GSE1: variants seen among roughly 807,000 people sequenced by gnomAD.
GSE1 encodes Gse1 coiled-coil protein.
Under a neutral mutation model 112.6 loss-of-function variants are expected in GSE1, and 32 were observed. The observed-to-expected ratio is 0.28, with a 90% CI of 0.21 to 0.38. The LOEUF (loss-of-function observed/expected upper bound fraction) is 0.38. Ranked by LOEUF, GSE1 falls within the 10% of genes least tolerant of loss-of-function variation. GSE1 has a pLI of 1.00. For synonymous variants in GSE1, 1,115 were observed against 735.6 expected, an observed-to-expected ratio of 1.52 and a Z score of -8.35; for missense variants, 2,348 against 1,699.2, an observed-to-expected ratio of 1.38 and a Z score of -6.71.
At chr16:85,555,188 G>A (rs2045139675), upstream of GSE1, 1 of 985,302 alleles carries the variant, frequency 1.0e-6, no homozygotes, top group Non-Finnish European at 1.2e-6. Context: ...CTGCTGTCAG[G>A]CAGCCAGCTT....
intron 1 of GSE1, among the ~76,000 whole-genome samples, chr16:85,246,581 C>T (rs1001688098): frequency 6.8e-6 from 1 of 146,346 alleles, no homozygotes. Context: ...CCCCAGTCGT[C>T]TAATTATCCC....
chr16:85,176,345 C>T (rs1277459064), intron 1 of GSE1, among the ~76,000 whole-genome samples: 3 of 152,246 alleles, frequency 2.0e-5, no homozygotes, highest in East Asian at 3.8e-4. Context: ...CTTGCCACAG[C>T]CTCTAGAACA....
chr16:85,225,184 TGCAACACAGACATCACACAC>T (rs2075463022), intron 1 of GSE1, among the ~76,000 whole-genome samples: 1 of 151,530 alleles, frequency 6.6e-6, no homozygotes, highest in Admixed American at 6.6e-5. Context: ...GGGAGCTGAA[TGCAACACAGACATCACACAC>T]ACACATACAC....
chr16:85,294,002 C>A (rs61708280), intron 1 of GSE1, among the ~76,000 whole-genome samples: 2 of 152,340 alleles, frequency 1.3e-5, no homozygotes, highest in South Asian at 2.1e-4. Flanking sequence ...CCCCATGCTT[C>A]GAGGCGCCCT....
chr16:85,171,940 G>T, intron 1 of GSE1: 1 of 437,262 alleles, frequency 2.3e-6, no homozygotes, highest in Non-Finnish European at 3.0e-6. Flanking sequence ...TGTTCCGGGG[G>T]AGGTACCCTC....
chr16:85,613,504 C>A, intron 1 of GSE1, 106 bp downstream of exon 1: 1 of 1,038,080 alleles, frequency 9.6e-7, no homozygotes, highest in Non-Finnish European at 1.4e-6. Flanking sequence ...CAACGGCTCC[C>A]GGGCAACTTC....
At chr16:85,210,331 A>G (rs1249849993) in intron 1 of GSE1, among the ~76,000 whole-genome samples, 1 of 152,204 alleles carries the variant, frequency 6.6e-6, no homozygotes, top group Non-Finnish European at 1.5e-5. Context: ...GTAAGGTGTG[A>G]TTGACAAAAC....
At chr16:85,473,177 G>A (rs2050347722) in intron 2 of GSE1, among the ~76,000 whole-genome samples, 1 of 152,276 alleles carries the variant, frequency 6.6e-6, no homozygotes, top group Non-Finnish European at 1.5e-5. Flanking sequence ...GTCACTGACT[G>A]CACCATTTGC....
intron 2 of GSE1, among the ~76,000 whole-genome samples, chr16:85,523,875 G>A (rs2052274584): frequency 6.6e-6 from 1 of 152,252 alleles, no homozygotes; most frequent in Middle Eastern, 3.2e-3. Context: ...TGCTGCGGGA[G>A]GCGGGGTCAA....
chr16:85,362,587 C>T (rs569814782), intron 2 of GSE1, among the ~76,000 whole-genome samples: 105 of 152,306 alleles, frequency 6.9e-4, no homozygotes, highest in Non-Finnish European at 1.2e-3. Flanking sequence ...CTTCTGGTAG[C>T]GTGGTGTCAG....
intron 1 of GSE1, chr16:85,282,820 C>G (rs555689906): frequency 1.3e-5 from 2 of 152,378 alleles, no homozygotes; most frequent in South Asian, 2.1e-4. Context: ...TTATCTAGTG[C>G]TGCATAACGA....
chr16:85,612,755 C>G (rs2048076444), upstream of GSE1, among the ~76,000 whole-genome samples: 1 of 152,242 alleles, frequency 6.6e-6, no homozygotes, highest in African/African-American at 2.4e-5. Flanking sequence ...CCCCACCCCA[C>G]GCGCCACCAG....
chr16:85,420,029 C>T (rs1210805738), intron 2 of GSE1, among the ~76,000 whole-genome samples: 1 of 152,186 alleles, frequency 6.6e-6, no homozygotes, highest in South Asian at 2.1e-4. Flanking sequence ...GGATGCTGAA[C>T]AGAACAAGTC....
chr16:85,184,007 T>C (rs1231531025), intron 1 of GSE1, among the ~76,000 whole-genome samples: 2 of 152,196 alleles, frequency 1.3e-5, no homozygotes, highest in East Asian at 1.9e-4. Context: ...TGGCCTTACT[T>C]ATCATTCCCC....
chr16:85,465,580 T>C (rs370475657), intron 2 of GSE1, among the ~76,000 whole-genome samples: 7 of 152,290 alleles, frequency 4.6e-5, no homozygotes, highest in Admixed American at 2.6e-4. Context: ...TGGAAGTCCC[T>C]TCCTGCCTCT....
upstream of GSE1, among the ~76,000 whole-genome samples, chr16:85,609,573 C>T (rs1252126037): frequency 3.9e-5 from 6 of 152,170 alleles, no homozygotes; most frequent in African/African-American, 7.2e-5. Context: ...CTAGGACTCC[C>T]GTCTCCAGAC....
chr16:85,648,339 G>T (rs1031168519), intron 2 of GSE1, among the ~76,000 whole-genome samples: 2 of 152,126 alleles, frequency 1.3e-5, no homozygotes, highest in Non-Finnish European at 2.9e-5. Flanking sequence ...GGGATAGGGA[G>T]TGCCCGGGGT....
chr16:85,418,276 T>C (rs2048749264), intron 2 of GSE1, among the ~76,000 whole-genome samples: 2 of 152,186 alleles, frequency 1.3e-5, no homozygotes, highest in South Asian at 4.1e-4. Flanking sequence ...GCCAGTAACA[T>C]GCAAAGTCAC....
intron 2 of GSE1, among the ~76,000 whole-genome samples, chr16:85,482,569 T>G (rs936178905): frequency 5.9e-5 from 9 of 152,180 alleles, no homozygotes; most frequent in Non-Finnish European, 1.3e-4. Flanking sequence ...CCGACGTGAG[T>G]GACGTGGATG....
Sources: gnomAD v4.1 joint callset for allele counts (sites outside exome capture counted in the v4.1 genomes callset) on GRCh38, gnomAD v4.1.1 for gene constraint, MANE v1.5 for transcripts, NCBI Gene and HGNC (gene_info 2026-07-23, HGNC 2026-07-21) for gene names.